Variants in RCC2 observed in about 807,000 individuals in gnomAD.
RCC2 encodes the protein regulator of chromosome condensation 2.
In RCC2, 19 loss-of-function variants were observed where a neutral mutation model predicts 64.1. The observed-to-expected ratio is 0.30, with a 90% CI of 0.21 to 0.44. RCC2 has a LOEUF of 0.44. Ranked by LOEUF, RCC2 falls within the 20% of genes least tolerant of loss-of-function variation. The pLI is 1.00. For missense variants in RCC2, 508 were observed against 710.4 expected, an observed-to-expected ratio of 0.72 and a Z score of 3.24; for synonymous variants, 325 against 279.6, an observed-to-expected ratio of 1.16 and a Z score of -1.62.
chr1:17,409,895 G>T, intron 12 of RCC2, 79 bp downstream of exon 12: 1 of 1,232,920 alleles, frequency 8.1e-7, no homozygotes, highest in Non-Finnish European at 1.2e-6. Context: ...CAAACAGACT[G>T]CGATGATCAA....
chr1:17,410,175 T>A (rs544643718), intron 11 of RCC2, 124 bp from the exon 12 acceptor site: 2 of 810,708 alleles, frequency 2.5e-6, no homozygotes, highest in East Asian at 2.7e-5. Flanking sequence ...CTCTGGCCCA[T>A]GACAAGCCCG....
In RCC2 at chr1:17,416,558, A is replaced by T; in HGVS notation, c.948T>A (p.Ile316=). The T allele has an allele frequency of 6.2e-7, 1 of 1,614,038 alleles. No individual in the cohort carries two copies. The highest frequency in any genetic ancestry group is 2.2e-5 in the East Asian group (1 of 44,888). Residue 316 remains isoleucine (I), a synonymous_variant, in exon 8 of 13, where the codon ATT becomes ATA. Coordinates refer to ENST00000375436, the MANE Select transcript of RCC2 (RefSeq NM_018715.4). ...ELVPRRVAIF[I]EKTKDGQILP... is the part of the protein sequence containing the mutation. ...GAATCTGTCCATCTTTCGTCTTCTC[A>T]ATGAAGATGGCCACTCGCCGGGGAA...
chr1:17,418,270 G>A (rs975766381), intron 7 of RCC2, among the ~76,000 whole-genome samples: 7 of 150,526 alleles, frequency 4.7e-5, no homozygotes, highest in East Asian at 2.0e-4. Context: ...GCTGGAGTGC[G>A]GTGGCATGAT....
chr1:17,438,108 G>T, intron 2 of RCC2, 122 bp downstream of exon 2: 1 of 705,414 alleles, frequency 1.4e-6, no homozygotes, highest in Non-Finnish European at 1.8e-6. Flanking sequence ...GCCTGCGCCG[G>T]CCCGGCCGCC....
intron 6 of RCC2, 120 bp downstream of exon 6, chr1:17,422,083 C>T: frequency 1.5e-6 from 1 of 661,796 alleles, no homozygotes; most frequent in South Asian, 2.6e-5. Flanking sequence ...TGTAACTAAA[C>T]ATCCAGACCC....
intron 3 of RCC2, among the ~76,000 whole-genome samples, chr1:17,427,730 T>C (rs980072366): frequency 2.0e-5 from 3 of 152,020 alleles, no homozygotes; most frequent in African/African-American, 7.2e-5. Context: ...AAAGCATCTT[T>C]CCCTGCAGTG....
intron 4 of RCC2, 49 bp from the exon 5 acceptor site, chr1:17,422,885 G>A (rs918187169): frequency 7.5e-6 from 12 of 1,610,646 alleles, no homozygotes; most frequent in African/African-American, 5.4e-5. Flanking sequence ...TGGTCCAGGC[G>A]GCACCACCAG....
rs375978687 is a variant in RCC2 at position 17,409,133 on chromosome 1, T to C, written c.1526A>G (p.Glu509Gly). 2.2e-5 allele frequency: 36 copies of C among 1,614,156 alleles called. No homozygotes were observed. The highest frequency in any genetic ancestry group is 3.0e-5 in the Non-Finnish European group (35 of 1,179,988). ...IARDESETEK[E>G]KIKKLPEYNP... ...GTATTCTGGCAGTTTCTTGATCTTC[T>C]CTTTCTCAGTCTCACTTTCATCTCT... Residue 509 changes from glutamate to glycine, a missense_variant, in exon 13 of 13, where the codon GAG (glutamate) becomes GGG (glycine). By Grantham distance (98) the Glu-to-Gly change is moderately conservative. Coordinates refer to ENST00000375436, the MANE Select transcript of RCC2 (RefSeq NM_018715.4).
rs2075568926 is a variant in RCC2, at chr1:17,422,740, G to A, written c.620C>T (p.Ala207Val). 6.2e-7 allele frequency: 1 copy of A among 1,614,018 alleles called. No homozygotes were observed. Among genetic ancestry groups the A allele is most frequent in the African/African-American group, 1.3e-5 (1 of 74,912 alleles). ...CAAGGTGTGGTTCCGCCCACATGCT[G>A]CAGACACAATCACTTCGTGGCTAAG... is the stretch of plus-strand genomic sequence containing the variant. ...EGLSHEVIVS[A>V]ACGRNHTLAL... The change falls in exon 5 of 13, where the codon GCA becomes GTA. Residue 207 changes from alanine to valine, a missense_variant. Around this residue, in one of 4 missense-constraint regions of RCC2, gnomAD observed 132 missense variants for 207.3 expected, o/e 0.64. Transcript: ENST00000375436.
Position 17,409,110 on chromosome 1 carries a change from A to T in RCC2, c.1549T>A (p.Tyr517Asn). ...EKEKIKKLPE[Y>N]NPRTL is the part of the protein sequence containing the mutation. ...GAGCATCAGAGGGTTCGGGGGTTGT[A>T]TTCTGGCAGTTTCTTGATCTTCTCT... is the stretch of plus-strand genomic sequence containing the variant. Residue 517 changes from tyrosine (Y) to asparagine (N), a missense_variant, in exon 13 of 13, where the codon TAC becomes AAC. Tyr to Asn is a moderately radical substitution (Grantham distance 143). Transcript: ENST00000375436. The T allele has an allele frequency of 6.2e-7, 1 of 1,613,616 alleles. No homozygotes were observed. Among genetic ancestry groups the T allele is most frequent in the Non-Finnish European group, 8.5e-7 (1 of 1,179,568 alleles).
chr1:17,429,306 C>T, intron 2 of RCC2, 107 bp from the exon 3 acceptor site: 1 of 832,822 alleles, frequency 1.2e-6, no homozygotes, highest in East Asian at 2.5e-5. Flanking sequence ...TCAGTTAGCC[C>T]TTATGTCACC....
chr1:17,413,193 A>C lies in RCC2; in HGVS notation c.1208-15T>G, dbSNP rs1295916901. 1.9e-6 allele frequency: 3 copies of C among 1,566,904 alleles called. No individual in the cohort carries two copies. Among genetic ancestry groups the C allele is most frequent in the South Asian group, 1.1e-5 (1 of 89,754 alleles). ...AAACAGACCACCTAAGGGAAGACAA[A>C]ACATGTTCCCAGCGTGACCAGACAT... On this transcript the variant is annotated splice_polypyrimidine_tract_variant and intron_variant, in intron 9 of 12. Transcript: ENST00000375436.
chr1:17,431,612 G>A (rs376442906), intron 2 of RCC2, among the ~76,000 whole-genome samples: 3 of 151,006 alleles, frequency 2.0e-5, no homozygotes, highest in Non-Finnish European at 4.4e-5. Context: ...TTGGCAGTAC[G>A]GCTCACGCAT....
intron 4 of RCC2, among the ~76,000 whole-genome samples, chr1:17,423,387 G>T (rs1052915685): frequency 6.6e-6 from 1 of 152,084 alleles, no homozygotes. Flanking sequence ...CCTAGGGATC[G>T]CCCCTCAAGG....
At position 17,438,277 on chromosome 1, in the gene RCC2, CG is replaced by C; in HGVS notation, c.237del (p.Gly80AlafsTer28). 7.7e-7 allele frequency: 1 copy of C among 1,307,138 alleles called. No homozygotes were observed. The highest frequency in any genetic ancestry group is 1.8e-5 in the South Asian group (1 of 57,054). 81.0% of individuals were successfully genotyped at this position (1,307,138 alleles called of 1,614,324 possible). A position where few individuals can be genotyped will look rare whatever the true frequency, so the allele number is the denominator to read the frequency against. On this transcript the variant is annotated frameshift_variant, in exon 2 of 13. Coordinates refer to ENST00000375436, the MANE Select transcript of RCC2 (RefSeq NM_018715.4). LOFTEE classifies it high-confidence loss of function. ...AARPATAGKA[G>X]GAAVVITEPE... ...GGTTCGGTGATGACCACGGCCGCGCCGCCCGCCTTGCCTGCTGTCGCCGGCC... is the reference window on the plus strand; with the variant it reads ...GGTTCGGTGATGACCACGGCCGCGCCCCCGCCTTGCCTGCTGTCGCCGGCC...
intron 5 of RCC2, among the ~76,000 whole-genome samples, 163 bp from the exon 6 acceptor site, chr1:17,422,454 A>G (rs965094232): frequency 2.6e-5 from 4 of 152,232 alleles, no homozygotes; most frequent in African/African-American, 9.6e-5. Context: ...CAGCAAAGCC[A>G]TTTCACATCA....
chr1:17,409,679 G>C (rs981738980), intron 12 of RCC2, among the ~76,000 whole-genome samples: 1 of 152,242 alleles, frequency 6.6e-6, no homozygotes, highest in East Asian at 1.9e-4. Context: ...TCTGAGTCCT[G>C]GGTGTGATGG....
chr1:17,427,634 C>G (rs2075631708), intron 3 of RCC2, among the ~76,000 whole-genome samples: 1 of 152,122 alleles, frequency 6.6e-6, no homozygotes, highest in South Asian at 2.1e-4. Context: ...CAGGAGGCCA[C>G]GGGACGCCAG....
rs927544467 is a variant in RCC2, at chr1:17,408,625, C to T, written c.*465G>A. ...ACGCGAGCGTGATTTTGGATGGAGG[C>T]GGGCCGGTGACTGCCTAGCTGCTGC... is the stretch of plus-strand genomic sequence containing the variant. On this transcript the variant is annotated 3_prime_UTR_variant, in exon 13 of 13. Coordinates refer to ENST00000375436, the MANE Select transcript of RCC2 (RefSeq NM_018715.4). 31 of 160,920 alleles carry T rather than the reference C, an allele frequency of 1.9e-4. No homozygotes were observed. Among genetic ancestry groups the T allele is most frequent in the African/African-American group, 5.1e-4 (21 of 41,508 alleles). The allele number at this position is 160,920 out of a possible 1,614,324, so 10.0% of individuals were successfully genotyped here. A position where few individuals can be genotyped will look rare whatever the true frequency, so the allele number is the denominator to read the frequency against.
Sources: gnomAD v4.1 joint callset for allele counts (sites outside exome capture counted in the v4.1 genomes callset) on GRCh38, gnomAD v4.1.1 for gene constraint, gnomAD v4.1.1 regional missense constraint, MANE v1.5 for transcripts, NCBI Gene and HGNC (gene_info 2026-07-23, HGNC 2026-07-21) for gene names.